NECAB1: variants seen among roughly 807,000 people sequenced by gnomAD.
NECAB1 encodes N-terminal EF-hand calcium binding protein 1, also known as N-terminal EF-hand calcium-binding protein 1.
A neutral mutation model predicts 57.5 loss-of-function variants in NECAB1; 29 were observed. The observed-to-expected ratio is 0.50, with a 90% CI of 0.38 to 0.69. NECAB1 has a LOEUF of 0.69. Among genes scored for constraint, NECAB1 ranks in the 30% least tolerant of loss-of-function variants. The pLI, the probability that NECAB1 is intolerant of heterozygous loss-of-function variation, is 0.00. For missense variants in NECAB1, 372 were observed against 413.8 expected (o/e 0.90, Z 0.88); for synonymous variants, 142 against 147.7 (o/e 0.96, Z 0.28).
intron 5 of NECAB1, among the ~76,000 whole-genome samples, chr8:90,907,183 AGAGAG>A (rs1391488568): frequency 1.9e-4 from 28 of 144,586 alleles, no homozygotes; most frequent in African/African-American, 7.4e-4. Flanking sequence ...AGAGAGAGAG[AGAGAG>A]AATTAGTAGA....
At chr8:90,945,794 C>T (rs922253468) in intron 10 of NECAB1, among the ~76,000 whole-genome samples, 1 of 152,130 alleles carries the variant, frequency 6.6e-6, no homozygotes, top group Non-Finnish European at 1.5e-5. Context: ...CAAGGTCTCC[C>T]AAAGCTCGAG....
In NECAB1 at chr8:90,955,575, A is replaced by T; in HGVS notation, c.*63A>T. On this transcript the variant is annotated 3_prime_UTR_variant, in exon 13 of 13. Transcript: ENST00000417640. ...AACAGGTGTTCTTATCTAAAACGTC[A>T]ATTAGAAAATTATCTGCGGTTGTTA... 8.0e-7 allele frequency: 1 copy of T among 1,247,306 alleles called. No individual in the cohort carries two copies. Among genetic ancestry groups the T allele is most frequent in the Non-Finnish European group, 1.1e-6 (1 of 897,700 alleles). 77.3% of individuals were successfully genotyped at this position (1,247,306 alleles called of 1,614,324 possible).
chr8:90,843,345 C>A (rs1483800681), intron 3 of NECAB1, among the ~76,000 whole-genome samples: 1 of 152,216 alleles, frequency 6.6e-6, no homozygotes, highest in Admixed American at 6.5e-5. Context: ...TTGCTGGTCT[C>A]TTTCCCCCCA....
chr8:90,827,464 T>C (rs913748713), intron 3 of NECAB1, among the ~76,000 whole-genome samples: 1 of 152,026 alleles, frequency 6.6e-6, no homozygotes, highest in Admixed American at 6.6e-5. Flanking sequence ...GTCCATTAAA[T>C]TGGTATCTCC....
chr8:90,858,851 CAT>C (rs1281803527), intron 3 of NECAB1, among the ~76,000 whole-genome samples: 2 of 152,156 alleles, frequency 1.3e-5, no homozygotes, highest in Admixed American at 6.5e-5. Flanking sequence ...CACACACACA[CAT>C]AAGCAAATAA....
At chr8:90,799,114 G>C (rs184926499) in intron 1 of NECAB1, among the ~76,000 whole-genome samples, 1 of 152,260 alleles carries the variant, frequency 6.6e-6, no homozygotes, top group East Asian at 1.9e-4. Flanking sequence ...TTTGAGAAGT[G>C]TCTGTTCATG....
chr8:90,873,503 A>G (rs1359486929), intron 4 of NECAB1, among the ~76,000 whole-genome samples: 1 of 152,254 alleles, frequency 6.6e-6, no homozygotes, highest in Non-Finnish European at 1.5e-5. Context: ...CAGTGAAGTG[A>G]AAAGATAAAA....
intron 1 of NECAB1, among the ~76,000 whole-genome samples, chr8:90,794,263 C>A (rs1014354621): frequency 2.6e-5 from 4 of 152,122 alleles, no homozygotes; most frequent in African/African-American, 9.7e-5. Flanking sequence ...CTGGATCATA[C>A]CACTTTTAGC....
intron 2 of NECAB1, among the ~76,000 whole-genome samples, chr8:90,819,484 G>A (rs2129693628): frequency 6.6e-6 from 1 of 152,036 alleles, no homozygotes; most frequent in South Asian, 2.1e-4. Context: ...GTTTGCTCTA[G>A]TGGTAGGGCC....
rs750838691 is a variant in NECAB1 at position 90,872,379 on chromosome 8, T to C, written c.259+226T>C. The C allele has an allele frequency of 8.7e-5, 38 of 436,932 alleles. 1 individual carries two copies. In the Admixed American group the frequency reaches 1.0e-3, roughly 12 times the overall value. The allele number at this position is 436,932 out of a possible 1,614,324, so 27.1% of individuals were successfully genotyped here. A position where few individuals can be genotyped will look rare whatever the true frequency, so the allele number is the denominator to read the frequency against. Reference sequence around the variant, plus strand: ...ATTAGTTCGTTCATAGAAGAAGAATTGTTGTTACAATCAGTACATTAGTTT... The same window carrying C: ...ATTAGTTCGTTCATAGAAGAAGAATCGTTGTTACAATCAGTACATTAGTTT... On this transcript the variant is annotated intron_variant, in intron 4 of 12. Coordinates refer to ENST00000417640, the MANE Select transcript of NECAB1 (RefSeq NM_022351.5).
chr8:90,899,011 G>C (rs1364923784), intron 5 of NECAB1, among the ~76,000 whole-genome samples: 1 of 152,230 alleles, frequency 6.6e-6, no homozygotes, highest in Non-Finnish European at 1.5e-5. Context: ...GCAGTGGGAA[G>C]ATCCTTCAGG....
intron 5 of NECAB1, among the ~76,000 whole-genome samples, chr8:90,887,812 A>G (rs1809043543): frequency 1.3e-5 from 2 of 152,190 alleles, no homozygotes; most frequent in Admixed American, 1.3e-4. Flanking sequence ...GGTCATGCTG[A>G]CTGCAGTTGG....
At chr8:90,918,224 C>A (rs1003116674) in intron 6 of NECAB1, among the ~76,000 whole-genome samples, 1 of 151,562 alleles carries the variant, frequency 6.6e-6, no homozygotes, top group African/African-American at 2.4e-5. Context: ...GTTGATCAGG[C>A]TGGTCTTGAA....
At chr8:90,821,417 T>A (rs933650249) in intron 2 of NECAB1, among the ~76,000 whole-genome samples, 8 of 151,902 alleles carry the variant, frequency 5.3e-5, no homozygotes, top group Non-Finnish European at 1.0e-4. Context: ...TTCTCATATT[T>A]CCTCTTCATA....
intron 6 of NECAB1, among the ~76,000 whole-genome samples, chr8:90,922,998 G>A (rs1810165062): frequency 6.6e-6 from 1 of 152,192 alleles, no homozygotes; most frequent in African/African-American, 2.4e-5. Context: ...TGGAGAGAAG[G>A]TGAATCTAGT....
intron 2 of NECAB1, among the ~76,000 whole-genome samples, chr8:90,811,018 G>A (rs1811950081): frequency 6.6e-6 from 1 of 151,628 alleles, no homozygotes. Flanking sequence ...TGCAATCTCG[G>A]CTCACCGCAA....
At chr8:90,932,920 A>G (rs191043888) in intron 8 of NECAB1, among the ~76,000 whole-genome samples, 9 of 152,282 alleles carry the variant, frequency 5.9e-5, no homozygotes, top group Admixed American at 5.9e-4. Flanking sequence ...CACAGAAGAC[A>G]TTAAGGTCTT....
At chr8:90,939,526 G>A (rs1810619323) in intron 9 of NECAB1, among the ~76,000 whole-genome samples, 1 of 152,114 alleles carries the variant, frequency 6.6e-6, no homozygotes, top group Non-Finnish European at 1.5e-5. Context: ...GCCTTTAGAC[G>A]AAAAGAATTA....
intron 5 of NECAB1, among the ~76,000 whole-genome samples, chr8:90,887,754 C>A (rs113475235): frequency 7.9e-5 from 12 of 152,238 alleles, no homozygotes; most frequent in African/African-American, 2.2e-4. Flanking sequence ...CCATCAGAGG[C>A]CCTCTTTCAT....
Sources: allele counts gnomAD v4.1 joint callset (sites outside exome capture counted in the v4.1 genomes callset), GRCh38; gene constraint gnomAD v4.1.1; transcripts MANE v1.5; gene names NCBI Gene and HGNC (gene_info 2026-07-23, HGNC 2026-07-21).